Variants in RALGAPA1 observed in about 807,000 individuals in gnomAD.
RALGAPA1 encodes ral GTPase-activating protein subunit alpha-1.
A neutral mutation model predicts 269.6 loss-of-function variants in RALGAPA1; 52 were observed. That is an observed-to-expected ratio of 0.19 (90% confidence interval 0.15 to 0.24). The LOEUF (loss-of-function observed/expected upper bound fraction) is 0.24, where lower values mean the gene tolerates loss of function less well. RALGAPA1 is among the 10% of genes least tolerant of loss of function. The pLI, the probability that RALGAPA1 is intolerant of heterozygous loss-of-function variation, is 1.00. For missense variants in RALGAPA1, 1,917 were observed against 3,013.9 expected (o/e 0.64, Z 8.52); for synonymous variants, 817 against 1,008.3 (o/e 0.81, Z 3.60).
chr14:35,681,570 T>C (rs758343534), intron 21 of RALGAPA1, among the ~76,000 whole-genome samples: 7 of 152,240 alleles, frequency 4.6e-5, no homozygotes, highest in African/African-American at 1.7e-4. Context: ...CTTCTGTATA[T>C]GGAAATCTTT....
intron 39 of RALGAPA1, among the ~76,000 whole-genome samples, chr14:35,563,974 G>A (rs1448557361): frequency 2.0e-5 from 3 of 152,126 alleles, no homozygotes; most frequent in Admixed American, 6.6e-5. Context: ...ACTGAACAGT[G>A]TATTGCTTTT....
chr14:35,614,500 T>G (rs7161202), intron 35 of RALGAPA1, among the ~76,000 whole-genome samples: 26,485 of 152,008 alleles, frequency 0.17, 4,241 homozygotes, highest in African/African-American at 0.41. Context: ...TATATGAAAT[T>G]TCCAGAATAG....
chr14:35,807,569 C>G (rs2077463845), intron 1 of RALGAPA1, among the ~76,000 whole-genome samples: 1 of 152,154 alleles, frequency 6.6e-6, no homozygotes, highest in Non-Finnish European at 1.5e-5. Context: ...ACTCGATGTT[C>G]CCAAACTTCA....
chr14:35,628,078 T>C, intron 33 of RALGAPA1, 127 bp from the exon 34 acceptor site: 1 of 1,081,340 alleles, frequency 9.2e-7, no homozygotes, highest in South Asian at 1.9e-5. Flanking sequence ...GATTCCATAA[T>C]ACAGTAATGA....
chr14:35,636,792 A>G (rs993650293), intron 31 of RALGAPA1, among the ~76,000 whole-genome samples: 1 of 152,176 alleles, frequency 6.6e-6, no homozygotes, highest in Admixed American at 6.5e-5. Flanking sequence ...AAGTGCTCAG[A>G]TTACAGGCAT....
intron 9 of RALGAPA1, among the ~76,000 whole-genome samples, 186 bp from the exon 10 acceptor site, chr14:35,749,010 G>A (rs1222850102): frequency 6.6e-6 from 1 of 152,092 alleles, no homozygotes; most frequent in Non-Finnish European, 1.5e-5. Context: ...GGCAATGCAA[G>A]TAACTCAACA....
Position 35,595,673 on chromosome 14 carries a change from T to C in RALGAPA1, c.7170A>G (p.Thr2390=). The part of the protein sequence containing the change: ...STVEVIFHVS[T]RMPSDSDDSL... ...AATCATCAGAATCAGAAGGCATTCT[T>C]GTTGACACGTGAAATATTACCTCTA... Residue 2390 remains threonine, a synonymous_variant, in exon 37 of 42, where the codon ACA becomes ACG. Transcript: ENST00000680220. 1 of 1,612,544 alleles carries C rather than the reference T, an allele frequency of 6.2e-7. No individual in the cohort carries two copies. Among genetic ancestry groups the C allele is most frequent in the Non-Finnish European group, 8.5e-7 (1 of 1,179,190 alleles).
chr14:35,540,953 TAAACAA>T (rs1266255724), intron 41 of RALGAPA1, among the ~76,000 whole-genome samples: 6 of 150,724 alleles, frequency 4.0e-5, no homozygotes, highest in Non-Finnish European at 7.4e-5. Flanking sequence ...TGAATGTTTA[TAAACAA>T]AAACAAAAAG....
At chr14:35,688,328 T>C in intron 18 of RALGAPA1, 131 bp downstream of exon 18, 3 of 982,366 alleles carry the variant, frequency 3.1e-6, no homozygotes, top group Non-Finnish European at 4.5e-6. Flanking sequence ...AAAAGGCGCA[T>C]GCATAACCAA....
intron 41 of RALGAPA1, among the ~76,000 whole-genome samples, chr14:35,542,899 G>T (rs1225499193): frequency 6.6e-6 from 1 of 152,056 alleles, no homozygotes; most frequent in Non-Finnish European, 1.5e-5. Context: ...ATGACTTTTG[G>T]GATATATAGG....
intron 41 of RALGAPA1, among the ~76,000 whole-genome samples, chr14:35,543,018 C>G (rs1205622506): frequency 6.6e-6 from 1 of 152,096 alleles, no homozygotes; most frequent in Admixed American, 6.5e-5. Context: ...AGATATAGCC[C>G]TATAAAATAT....
In RALGAPA1 at chr14:35,651,881, CA is replaced by C. The variant is rs35892589; in HGVS notation, c.5608-9del. 1 allele frequency: 1,573,868 copies of C among 1,576,468 alleles called. 785,640 individuals are homozygous for C. Among genetic ancestry groups the C allele is most frequent in the East Asian group, 1 (43,888 of 43,908 alleles). ...GATGGTAGCTATTAGGATCTGTAAG[CA>C]AAAAAAAATTTTTTTAAAAGCTCTA... On this transcript the variant is annotated splice_polypyrimidine_tract_variant and intron_variant, in intron 30 of 41. Coordinates refer to ENST00000680220, the MANE Select transcript of RALGAPA1 (RefSeq NM_001346249.2).
At chr14:35,650,660 A>AGGTCCAG (rs2062766826) in intron 31 of RALGAPA1, among the ~76,000 whole-genome samples, 1 of 152,214 alleles carries the variant, frequency 6.6e-6, no homozygotes, top group Non-Finnish European at 1.5e-5. Flanking sequence ...CCAGAAACAT[A>AGGTCCAG]ACTATAGCTT....
chr14:35,786,526 T>A (rs2141704706), intron 1 of RALGAPA1, among the ~76,000 whole-genome samples: 1 of 151,906 alleles, frequency 6.6e-6, no homozygotes, highest in South Asian at 2.1e-4. Context: ...TAGTCCCAGC[T>A]ACTCGGGAGG....
At chr14:35,682,359 G>A (rs142377675) in intron 21 of RALGAPA1, among the ~76,000 whole-genome samples, 3,215 of 151,730 alleles carry the variant, frequency 0.021, 120 homozygotes, top group African/African-American at 0.074. Context: ...GGAGTGCAGT[G>A]GTGTGATCTT....
At chr14:35,713,281 C>A (rs1228619758) in intron 16 of RALGAPA1, among the ~76,000 whole-genome samples, 1 of 152,110 alleles carries the variant, frequency 6.6e-6, no homozygotes, top group East Asian at 1.9e-4. Flanking sequence ...GCTCAAGATA[C>A]AATCATCAGG....
intron 12 of RALGAPA1, among the ~76,000 whole-genome samples, chr14:35,732,560 A>G (rs748659472): frequency 6.6e-5 from 10 of 152,254 alleles, no homozygotes; most frequent in Non-Finnish European, 1.2e-4. Flanking sequence ...GGAAAAAGGC[A>G]TTTCATGCAA....
intron 27 of RALGAPA1, among the ~76,000 whole-genome samples, chr14:35,659,982 C>T (rs2063431818): frequency 1.3e-5 from 2 of 152,038 alleles, no homozygotes. Context: ...ATACGACATC[C>T]TTTCATGATA....
chr14:35,610,655 T>C lies in RALGAPA1; in HGVS notation c.6930-4946A>G, dbSNP rs140759432. ...AATAGACCTATAACAAATGAAGACA[T>C]TGAATTAATAATTTGATTAGAAAGG... is the stretch of plus-strand genomic sequence containing the variant. On this transcript the variant is annotated intron_variant, in intron 35 of 41. Coordinates refer to ENST00000680220, the MANE Select transcript of RALGAPA1 (RefSeq NM_001346249.2). Among the ~76,000 whole-genome samples, 666 of 152,242 alleles carry C rather than the reference T, an allele frequency of 4.4e-3. 20 individuals are homozygous for C. Among genetic ancestry groups the C allele is most frequent in the Admixed American group, 0.032 (487 of 15,292 alleles).
Sources: gnomAD v4.1 joint callset for allele counts (sites outside exome capture counted in the v4.1 genomes callset) on GRCh38, gnomAD v4.1.1 for gene constraint, MANE v1.5 for transcripts, NCBI Gene and HGNC (gene_info 2026-07-23, HGNC 2026-07-21) for gene names.